The following RB1CC1 variants were observed in gnomAD, a reference collection of about 807,000 sequenced individuals.
RB1CC1 encodes the protein RB1 inducible coiled-coil 1.
A neutral mutation model predicts 177.5 loss-of-function variants in RB1CC1; 46 were observed. The ratio of observed to expected loss-of-function variants is 0.26; its 90% CI spans 0.20 to 0.33. The LOEUF (loss-of-function observed/expected upper bound fraction) is 0.33, where lower values mean the gene tolerates loss of function less well. Ranked by LOEUF, RB1CC1 falls within the 10% of genes least tolerant of loss-of-function variation. The probability of loss-of-function intolerance (pLI) is 1.00; values close to 1 mark genes in which losing one functional copy is unlikely to be tolerated. For missense variants in RB1CC1, 1,703 were observed against 1,816.3 expected, an observed-to-expected ratio of 0.94 and a Z score of 1.13; for synonymous variants, 666 against 613.6, an observed-to-expected ratio of 1.09 and a Z score of -1.26.
intron 1 of RB1CC1, among the ~76,000 whole-genome samples, chr8:52,709,002 G>C (rs968464025): frequency 6.6e-6 from 1 of 152,120 alleles, no homozygotes; most frequent in Non-Finnish European, 1.5e-5. Flanking sequence ...GAGGTCGCGA[G>C]TTTGAGACCA....
chr8:52,683,737 G>A lies in RB1CC1; in HGVS notation c.199-18C>T, dbSNP rs761768385. ...TTTGTATCCTATATTTTTTAAAAAA[G>A]GAGAAATAACCAAAATAAAATGTTA... On this transcript the variant is annotated intron_variant, in intron 4 of 23. Coordinates refer to ENST00000025008, the MANE Select transcript of RB1CC1 (RefSeq NM_014781.5). 1.3e-6 allele frequency: 2 copies of A among 1,561,028 alleles called. No individual in the cohort carries two copies. The highest frequency in any genetic ancestry group is 2.4e-5 in the South Asian group (2 of 83,960).
In RB1CC1 at chr8:52,656,862, C is replaced by T; in HGVS notation, c.2967G>A (p.Lys989=). The part of the protein sequence containing the change: ...ELQSLEQSHL[K]ELEDTLQVRH... ...TAACCTGAAGTGTGTCCTCTAATTC[C>T]TTTAGATGACTTTGCTCCAAGGACT... Residue 989 remains lysine (K), a synonymous_variant, in exon 15 of 24, where the codon AAG becomes AAA. Transcript: ENST00000025008. 2 of 1,613,448 alleles carry T rather than the reference C, an allele frequency of 1.2e-6. No homozygotes were observed. The highest frequency in any genetic ancestry group is 1.1e-5 in the South Asian group (1 of 91,078).
rs745855594 is a variant in RB1CC1 at position 52,656,722 on chromosome 8, A to G, written c.3107T>C (p.Ile1036Thr). The G allele has an allele frequency of 2.5e-6, 4 of 1,613,566 alleles. No individual in the cohort carries two copies. The East Asian group carries it at 6.7e-5, about 27-fold the overall frequency. Residue 1036 changes from isoleucine to threonine, a missense_variant, in exon 15 of 24, where the codon ATC becomes ACC. Around this residue, in one of 6 missense-constraint regions of RB1CC1, gnomAD observed 1,169 missense variants for 1,184.7 expected, o/e 0.99. Coordinates refer to ENST00000025008, the MANE Select transcript of RB1CC1 (RefSeq NM_014781.5). ...NQIQESHAEI[I>T]QEKEKQLQEL... ...CTGTAACTGTTTTTCTTTTTCCTGG[A>G]TAATTTCAGCATGAGATTCTTGTAT...
intron 1 of RB1CC1, among the ~76,000 whole-genome samples, chr8:52,712,568 C>T (rs1004908911): frequency 2.3e-4 from 33 of 144,696 alleles, no homozygotes; most frequent in African/African-American, 8.4e-4. Context: ...CAATAACAAA[C>T]ATATAAAGGA....
At chr8:52,701,386 A>AAGTGTTG (rs1461235659) in intron 1 of RB1CC1, among the ~76,000 whole-genome samples, 4 of 152,080 alleles carry the variant, frequency 2.6e-5, no homozygotes, top group Non-Finnish European at 5.9e-5. Context: ...CGGCCTCCCC[A>AAGTGTTG]AGTGTTGAGA....
intron 18 of RB1CC1, among the ~76,000 whole-genome samples, chr8:52,641,689 T>A (rs1194352329): frequency 6.6e-6 from 1 of 152,224 alleles, no homozygotes; most frequent in East Asian, 1.9e-4. Context: ...TTGTGTGGCA[T>A]AATGATCTGG....
Position 52,671,517 on chromosome 8 carries a change from CCCT to C in RB1CC1, c.1002+2325_1002+2327del, listed in dbSNP as rs1480406526. Among the ~76,000 whole-genome samples the C allele has an allele frequency of 7.9e-5, 12 of 152,112 alleles. No homozygotes were observed. In the East Asian group the frequency reaches 2.3e-3, roughly 29 times the overall value. ...ATACTCGGTTCATCTTCAGAAATGC[CCCT>C]AGTCTTATCAAGAAAAAGTATAGTA... On this transcript the variant is annotated intron_variant, in intron 7 of 23. Transcript: ENST00000025008.
chr8:52,638,201 GT>G lies in RB1CC1; in HGVS notation c.4338-2133del, dbSNP rs1204309644. Among the ~76,000 whole-genome samples the G allele has an allele frequency of 5.9e-5, 9 of 152,214 alleles. No homozygotes were observed. In the South Asian group the frequency reaches 1.9e-3, roughly 32 times the overall value. On this transcript the variant is annotated intron_variant, in intron 18 of 23. Transcript: ENST00000025008. Reference sequence around the variant, plus strand: ...TGTTTTTATGATGAAAGGCTGTTGGGTTTTGTCAAATGCTTTTTCTTCATCT... The same window carrying G: ...TGTTTTTATGATGAAAGGCTGTTGGGTTTGTCAAATGCTTTTTCTTCATCT...
At chr8:52,676,650 T>C in intron 5 of RB1CC1, 79 bp from the exon 6 acceptor site, 1 of 1,282,564 alleles carries the variant, frequency 7.8e-7, no homozygotes, top group Non-Finnish European at 1.1e-6. Context: ...TTTACAAACA[T>C]GTACGTGTGG....
At chr8:52,662,399 G>C (rs775209909) in intron 8 of RB1CC1, among the ~76,000 whole-genome samples, 49 of 152,024 alleles carry the variant, frequency 3.2e-4, no homozygotes, top group Non-Finnish European at 5.7e-4. Flanking sequence ...AATTTAGATA[G>C]ATCTGCCATA....
At chr8:52,693,088 G>A (rs937631187) in intron 1 of RB1CC1, among the ~76,000 whole-genome samples, 12 of 152,042 alleles carry the variant, frequency 7.9e-5, no homozygotes, top group Admixed American at 2.0e-4. Context: ...AAACTGAAAC[G>A]GAATCCCTTC....
chr8:52,706,726 C>T (rs1856587297), intron 1 of RB1CC1, among the ~76,000 whole-genome samples: 2 of 150,632 alleles, frequency 1.3e-5, no homozygotes, highest in African/African-American at 2.4e-5. Context: ...AACGAGACTC[C>T]CTCTGTTTCA....
chr8:52,688,929 C>T (rs1229031814), intron 1 of RB1CC1, among the ~76,000 whole-genome samples: 2 of 152,174 alleles, frequency 1.3e-5, no homozygotes, highest in East Asian at 3.9e-4. Context: ...GGTGGGTTCC[C>T]CCAATAGGAT....
chr8:52,645,683 T>C lies in RB1CC1; in HGVS notation c.3987+19A>G, dbSNP rs758194885. On this transcript the variant is annotated intron_variant, in intron 16 of 23. Transcript: ENST00000025008. ...TACCTTCTTTAGTTCTCAAATGAAA[T>C]GGGAAAAGAGATACAGACCTGTTGT... The C allele has an allele frequency of 2.5e-6, 4 of 1,598,130 alleles. No homozygotes were observed. Among genetic ancestry groups the C allele is most frequent in the East Asian group, 2.2e-5 (1 of 44,506 alleles).
intron 8 of RB1CC1, 131 bp from the exon 9 acceptor site, chr8:52,661,850 T>C: frequency 4.7e-6 from 3 of 644,732 alleles, no homozygotes; most frequent in Non-Finnish European, 7.0e-6. Context: ...TTAAATCCTC[T>C]ATTTTTCTCG....
chr8:52,694,350 T>C (rs966658972), intron 1 of RB1CC1, among the ~76,000 whole-genome samples: 1 of 152,192 alleles, frequency 6.6e-6, no homozygotes, highest in Non-Finnish European at 1.5e-5. Context: ...TGTTGGCCTC[T>C]ACTCCCAGGC....
In RB1CC1 at chr8:52,657,775, C is replaced by T. The variant is rs1472019495; in HGVS notation, c.2054G>A (p.Cys685Tyr). ...TVQDPLCPAVCPLEELSPDSI... is the reference protein window; with the variant it reads ...TVQDPLCPAVYPLEELSPDSI... ...ATCTGGAGATAATTCTTCTAAGGGA[C>T]AAACTGCAGGACATAAGGGATCCTG... Residue 685 changes from cysteine (C) to tyrosine (Y), a missense_variant, in exon 15 of 24, where the codon TGT (cysteine) becomes TAT (tyrosine). By Grantham distance (194) the Cys-to-Tyr change is radical. Coordinates refer to ENST00000025008, the MANE Select transcript of RB1CC1 (RefSeq NM_014781.5). 1.2e-6 allele frequency: 2 copies of T among 1,613,598 alleles called. No individual in the cohort carries two copies. The highest frequency in any genetic ancestry group is 2.7e-5 in the African/African-American group (2 of 74,774).
rs548215820 is a variant in RB1CC1 at position 52,714,266 on chromosome 8, G to A, written c.-358C>T. 5.0e-6 allele frequency: 1 copy of A among 201,730 alleles called. No individual in the cohort carries two copies. The highest frequency in any genetic ancestry group is 1.9e-4 in the East Asian group (1 of 5,240). 12.5% of individuals were successfully genotyped at this position (201,730 alleles called of 1,614,324 possible). A position where few individuals can be genotyped will look rare whatever the true frequency, so the allele number is the denominator to read the frequency against. ...CTCTAGGAGGCAGGGAGGGGTCCGGGCGGACAAGGACGCGAGCAGGCCCCT... is the reference window on the plus strand; with the variant it reads ...CTCTAGGAGGCAGGGAGGGGTCCGGACGGACAAGGACGCGAGCAGGCCCCT... On this transcript the variant is annotated 5_prime_UTR_variant, in exon 1 of 24. Coordinates refer to ENST00000025008, the MANE Select transcript of RB1CC1 (RefSeq NM_014781.5).
intron 15 of RB1CC1, 62 bp from the exon 16 acceptor site, chr8:52,645,929 TATC>T: frequency 6.8e-7 from 1 of 1,460,294 alleles, no homozygotes; most frequent in East Asian, 2.3e-5. Flanking sequence ...ATATACCAAA[TATC>T]ATATTTGGGA....
Sources: allele counts gnomAD v4.1 joint callset (sites outside exome capture counted in the v4.1 genomes callset), GRCh38; gene constraint gnomAD v4.1.1; regional missense constraint gnomAD v4.1.1; transcripts MANE v1.5; gene names NCBI Gene and HGNC (gene_info 2026-07-23, HGNC 2026-07-21).